CCDC63: variants seen among roughly 807,000 people sequenced by gnomAD.
CCDC63 encodes the protein coiled-coil domain containing 63.
CCDC63 carries 54 observed loss-of-function variants against 63.6 expected under a neutral mutation model. The ratio of observed to expected loss-of-function variants is 0.85; its 90% CI spans 0.68 to 1.07. CCDC63 has a LOEUF of 1.07. CCDC63 is among the 50% of genes least tolerant of loss of function. The pLI, the probability that CCDC63 is intolerant of heterozygous loss-of-function variation, is 0.00. For missense variants in CCDC63, 637 were observed against 689.6 expected (o/e 0.92, Z 0.86); for synonymous variants, 253 against 266.1 (o/e 0.95, Z 0.48).
Position 110,907,360 on chromosome 12 carries a change from C to T in CCDC63, c.1576C>T (p.Arg526Trp), listed in dbSNP as rs377465072. ...ACAGCCCCTGGACCACAGCAGCCTT[C>T]GGCAGCTGGTTCTCGACAATTATAT... ...VEQPLDHSSLRQLVLDNYILK... is the reference protein window; with the variant it reads ...VEQPLDHSSLWQLVLDNYILK... The change falls in exon 12 of 12, where the codon CGG becomes TGG. Residue 526 changes from arginine to tryptophan, a missense_variant. Coordinates refer to ENST00000308208, the MANE Select transcript of CCDC63 (RefSeq NM_152591.3). This position sits in a 1 kb window ranked among gnomAD's most constrained non-coding sequence, Gnocchi z 4.4. 70 of 1,613,772 alleles carry T rather than the reference C, an allele frequency of 4.3e-5. No homozygotes were observed. Among genetic ancestry groups the T allele is most frequent in the African/African-American group, 5.3e-5 (4 of 74,900 alleles).
intron 5 of CCDC63, among the ~76,000 whole-genome samples, chr12:110,877,667 T>C (rs1400824641): frequency 6.6e-6 from 1 of 151,724 alleles, no homozygotes; most frequent in Non-Finnish European, 1.5e-5. Flanking sequence ...TGGTAACCAC[T>C]GTTTTATTCT....
intron 5 of CCDC63, 121 bp downstream of exon 5, chr12:110,874,082 G>A (rs2071101118): frequency 3.1e-6 from 4 of 1,300,018 alleles, no homozygotes; most frequent in South Asian, 1.6e-5. Context: ...TCAGGAGCAG[G>A]TGAACTAATG....
intron 10 of CCDC63, among the ~76,000 whole-genome samples, chr12:110,900,889 C>T (rs1438181858): frequency 3.3e-5 from 5 of 152,092 alleles, no homozygotes; most frequent in African/African-American, 7.2e-5. Flanking sequence ...TGAGCCACTG[C>T]GCCCAGCCAA....
intron 8 of CCDC63, among the ~76,000 whole-genome samples, chr12:110,884,598 A>T (rs1402584660): frequency 6.6e-6 from 1 of 152,002 alleles, no homozygotes; most frequent in African/African-American, 2.4e-5. Context: ...CTGGTCTCGA[A>T]CTCCTGACCT....
Position 110,868,757 on chromosome 12 carries a change from G to A in CCDC63, c.370-5085G>A, listed in dbSNP as rs1455179419. On this transcript the variant is annotated intron_variant, in intron 4 of 11. Coordinates refer to ENST00000308208, the MANE Select transcript of CCDC63 (RefSeq NM_152591.3). ...AGGGAGAGGGAGAGGGGGAGGGGAA[G>A]GGGGAGGGGGAGGGAGAGGGAGAGG... is the stretch of plus-strand genomic sequence containing the variant. 9.0e-3 allele frequency among the ~76,000 whole-genome samples: 914 copies of A among 101,330 alleles called. 12 individuals carry two copies. Among genetic ancestry groups the A allele is most frequent in the African/African-American group, 0.012 (299 of 24,456 alleles). The allele number at this position is 101,330 out of a possible 152,430, so 66.5% of individuals were successfully genotyped here.
upstream of CCDC63, among the ~76,000 whole-genome samples, chr12:110,845,445 G>A (rs1021756309): frequency 3.9e-5 from 6 of 152,144 alleles, no homozygotes; most frequent in Admixed American, 3.3e-4. Flanking sequence ...TGCAAAACTC[G>A]GTTTCTCTAA....
chr12:110,888,173 C>T (rs771154381), intron 8 of CCDC63, among the ~76,000 whole-genome samples: 42 of 152,080 alleles, frequency 2.8e-4, no homozygotes, highest in Non-Finnish European at 5.3e-4. Context: ...AACTGAGGTT[C>T]AGGCGCGTCA....
intron 7 of CCDC63, among the ~76,000 whole-genome samples, chr12:110,882,118 G>A (rs1469819072): frequency 4.6e-5 from 7 of 152,318 alleles, no homozygotes; most frequent in Admixed American, 1.3e-4. Flanking sequence ...GAGAAGGTGT[G>A]TGGTCCGGCG....
At chr12:110,863,264 G>A (rs530208889) in intron 4 of CCDC63, among the ~76,000 whole-genome samples, 14 of 61,902 alleles carry the variant, frequency 2.3e-4, no homozygotes, top group South Asian at 4.1e-4. Context: ...TGACACACAC[G>A]TGTGTGTGTG....
intron 1 of CCDC63, among the ~76,000 whole-genome samples, chr12:110,849,833 A>G (rs1410927707): frequency 6.6e-6 from 1 of 152,122 alleles, no homozygotes; most frequent in Non-Finnish European, 1.5e-5. Flanking sequence ...GGAATGGAAT[A>G]TACTTCTCCT....
At chr12:110,882,020 C>G (rs547938430) in intron 7 of CCDC63, among the ~76,000 whole-genome samples, 25 of 152,282 alleles carry the variant, frequency 1.6e-4, no homozygotes, top group African/African-American at 5.5e-4. Flanking sequence ...TGATGATTCA[C>G]TAGCATATCT....
chr12:110,899,704 T>C (rs2071463077), intron 10 of CCDC63, among the ~76,000 whole-genome samples: 1 of 151,838 alleles, frequency 6.6e-6, no homozygotes, highest in South Asian at 2.1e-4. Context: ...TTTTTTTTTT[T>C]TTAAATTGGT....
chr12:110,847,704 T>C (rs904375437), intron 1 of CCDC63, among the ~76,000 whole-genome samples: 2 of 152,218 alleles, frequency 1.3e-5, no homozygotes, highest in African/African-American at 2.4e-5. Context: ...TGCTCCTGTT[T>C]GGCTAGTGCC....
intron 5 of CCDC63, among the ~76,000 whole-genome samples, chr12:110,876,215 C>T (rs1196098977): frequency 6.6e-6 from 1 of 151,736 alleles, no homozygotes; most frequent in Non-Finnish European, 1.5e-5. Flanking sequence ...GCCTGAGAGT[C>T]CTCCCCATAG....
At position 110,893,169 on chromosome 12, in the gene CCDC63, G is replaced by C. The variant is rs982171967; in HGVS notation, c.1149+19G>C. 1.9e-6 allele frequency: 3 copies of C among 1,604,798 alleles called. No individual in the cohort carries two copies. The highest frequency in any genetic ancestry group is 2.6e-6 in the Non-Finnish European group (3 of 1,171,892). ...GCTGGAGGTGAGAACAGGATCGGGAGGGAGGGATGCGGGAGCTTCTGTTGT... is the reference window on the plus strand; with the variant it reads ...GCTGGAGGTGAGAACAGGATCGGGACGGAGGGATGCGGGAGCTTCTGTTGT... On this transcript the variant is annotated intron_variant, in intron 9 of 11. Transcript: ENST00000308208.
At chr12:110,871,502 C>CCTTT (rs79024947) in intron 4 of CCDC63, among the ~76,000 whole-genome samples, 65 of 151,038 alleles carry the variant, frequency 4.3e-4, no homozygotes, top group African/African-American at 1.5e-3. Context: ...TTCCTTCCTT[C>CCTTT]CTTTCTTTCT....
chr12:110,857,422 G>C (rs2070788399), intron 3 of CCDC63, among the ~76,000 whole-genome samples: 1 of 152,284 alleles, frequency 6.6e-6, no homozygotes, highest in South Asian at 2.1e-4. Flanking sequence ...ACTGCGCCGG[G>C]CCTGTAGAAC....
chr12:110,859,090 C>G (rs551015515), intron 4 of CCDC63, among the ~76,000 whole-genome samples: 1 of 152,274 alleles, frequency 6.6e-6, no homozygotes, highest in Admixed American at 6.5e-5. Flanking sequence ...AAATGCCACC[C>G]CCTCACGCAT....
chr12:110,847,099 G>T lies in CCDC63; in HGVS notation c.-103G>T, dbSNP rs982906792. On this transcript the variant is annotated 5_prime_UTR_variant, in exon 1 of 12. Coordinates refer to ENST00000308208, the MANE Select transcript of CCDC63 (RefSeq NM_152591.3). Reference sequence around the variant, plus strand: ...GCCACGGACAAGCAGTCCGGGCCCCGCCACTGGTAAGTTTCGCCGCCCGCC... The same window carrying T: ...GCCACGGACAAGCAGTCCGGGCCCCTCCACTGGTAAGTTTCGCCGCCCGCC... The T allele has an allele frequency of 6.6e-5, 10 of 152,250 alleles. No homozygotes were observed. Among genetic ancestry groups the T allele is most frequent in the Non-Finnish European group, 1.3e-4 (9 of 68,068 alleles). 9.4% of individuals were successfully genotyped at this position (152,250 alleles called of 1,614,324 possible). A position where few individuals can be genotyped will look rare whatever the true frequency, so the allele number is the denominator to read the frequency against.
Sources: gnomAD v4.1 joint callset for allele counts (sites outside exome capture counted in the v4.1 genomes callset) on GRCh38, gnomAD v4.1.1 for gene constraint, Gnocchi (gnomAD v3.1) non-coding constraint, MANE v1.5 for transcripts, NCBI Gene and HGNC (gene_info 2026-07-23, HGNC 2026-07-21) for gene names.